RTL4: variants seen among roughly 807,000 people sequenced by gnomAD.
The protein encoded by RTL4 is retrotransposon Gag like 4.
A neutral mutation model predicts 5.3 loss-of-function variants in RTL4; 4 were observed. That is an observed-to-expected ratio of 0.75 (90% CI 0.37 to 1.72). The LOEUF (loss-of-function observed/expected upper bound fraction) is 1.72. RTL4 is among the 40% of genes most tolerant of loss of function. The probability of loss-of-function intolerance (pLI) is 0.04; values close to 1 mark genes in which losing one functional copy is unlikely to be tolerated. For missense variants in RTL4, 260 were observed against 227.1 expected (o/e 1.14, Z -0.93); for synonymous variants, 98 against 87.3 (o/e 1.12, Z -0.68).
the RTL4 span, among the ~76,000 whole-genome samples, chrX:112,326,627 G>A: frequency 8.9e-6 from 1 of 112,015 alleles, no homozygotes; most frequent in Non-Finnish European, 1.9e-5. Context: ...AAAGCAGCCG[G>A]GAAGCTCGAA....
chrX:112,236,521 C>T, the RTL4 span, among the ~76,000 whole-genome samples: 1 of 85,912 alleles, frequency 1.2e-5, no homozygotes, highest in Non-Finnish European at 2.2e-5. Flanking sequence ...ATATAAAATA[C>T]GACTATGTCT....
At chrX:112,171,305 G>A in the RTL4 span, among the ~76,000 whole-genome samples, 1 of 111,839 alleles carries the variant, frequency 8.9e-6, no homozygotes, top group Non-Finnish European at 1.9e-5. Context: ...CTTTTCAGTT[G>A]TTTGGAATAG....
chrX:112,203,266 G>C, the RTL4 span, among the ~76,000 whole-genome samples: 2 of 111,615 alleles, frequency 1.8e-5, no homozygotes, highest in Non-Finnish European at 3.8e-5. Context: ...ATGGAGTCCA[G>C]TTTATCACAT....
chrX:112,366,864 G>C, the RTL4 span, among the ~76,000 whole-genome samples: 2 of 111,896 alleles, frequency 1.8e-5, no homozygotes, highest in Non-Finnish European at 3.8e-5. Flanking sequence ...AAGGCTGGAG[G>C]CCTAGTCTAA....
chrX:112,377,160 CACT>C, the RTL4 span, among the ~76,000 whole-genome samples: 1 of 111,567 alleles, frequency 9.0e-6, no homozygotes, highest in Non-Finnish European at 1.9e-5. Context: ...TACCTCTCAC[CACT>C]AAGAAGAGAG....
At chrX:112,224,075 C>G in the RTL4 span, among the ~76,000 whole-genome samples, 1 of 110,946 alleles carries the variant, frequency 9.0e-6, no homozygotes, top group African/African-American at 3.3e-5. Flanking sequence ...TCTCTGCATG[C>G]TTCAAATTTA....
the RTL4 span, among the ~76,000 whole-genome samples, chrX:112,428,534 C>A: frequency 1.8e-5 from 2 of 111,217 alleles, no homozygotes; most frequent in African/African-American, 6.5e-5. Flanking sequence ...GCATGATTTC[C>A]ATAACTTTAA....
At chrX:112,109,298 C>A in the RTL4 span, among the ~76,000 whole-genome samples, 2 of 111,771 alleles carry the variant, frequency 1.8e-5, no homozygotes, top group Non-Finnish European at 3.8e-5. Context: ...AAGCCGCAGA[C>A]CTTTGTGGTG....
chrX:112,170,909 G>A, the RTL4 span, among the ~76,000 whole-genome samples: 419 of 111,573 alleles, frequency 3.8e-3, 2 homozygotes, highest in African/African-American at 0.013. Context: ...TCATTATTTT[G>A]ATGTATGTTC....
the RTL4 span, among the ~76,000 whole-genome samples, chrX:112,129,720 A>G: frequency 5.4e-5 from 6 of 112,030 alleles, no homozygotes; most frequent in Non-Finnish European, 9.4e-5. Flanking sequence ...AACTGTCTTT[A>G]TTTTTCAGAC....
the RTL4 span, among the ~76,000 whole-genome samples, chrX:112,427,759 T>C: frequency 9.0e-6 from 1 of 111,534 alleles, no homozygotes; most frequent in Non-Finnish European, 1.9e-5. Context: ...TGTTTTAATT[T>C]TTTTATTTTG....
the RTL4 span, among the ~76,000 whole-genome samples, chrX:112,371,549 T>C: frequency 1.9e-4 from 21 of 112,030 alleles, no homozygotes; most frequent in Non-Finnish European, 3.4e-4. Context: ...CATCTACTTA[T>C]ATATAGAAGT....
chrX:112,143,825 T>C, the RTL4 span, among the ~76,000 whole-genome samples: 1 of 111,938 alleles, frequency 8.9e-6, no homozygotes, highest in Non-Finnish European at 1.9e-5. Flanking sequence ...TAGATCTCTG[T>C]TGCAAGCTAA....
chrX:112,443,615 T>C, the RTL4 span, among the ~76,000 whole-genome samples: 111 of 112,132 alleles, frequency 9.9e-4, no homozygotes, highest in Middle Eastern at 4.6e-3. Flanking sequence ...ACGATTTTTT[T>C]AGTATAAGCC....
chrX:112,118,949 A>G, the RTL4 span, among the ~76,000 whole-genome samples: 1 of 109,773 alleles, frequency 9.1e-6, no homozygotes, highest in East Asian at 2.8e-4. Flanking sequence ...CAGTTGTGCA[A>G]TCTCAGCTCA....
chrX:112,367,743 G>T, the RTL4 span, among the ~76,000 whole-genome samples: 9 of 111,622 alleles, frequency 8.1e-5, no homozygotes, highest in African/African-American at 2.9e-4. Context: ...AACTGACAAG[G>T]GAACGAGCAA....
the RTL4 span, among the ~76,000 whole-genome samples, chrX:112,130,790 G>GT: frequency 1.0e-5 from 1 of 97,695 alleles, no homozygotes; most frequent in East Asian, 3.0e-4. Flanking sequence ...TATGGGTGTG[G>GT]GTTTTTTTTT....
the RTL4 span, among the ~76,000 whole-genome samples, chrX:112,387,194 G>T: frequency 2.8e-5 from 3 of 108,026 alleles, no homozygotes; most frequent in Non-Finnish European, 3.8e-5. Flanking sequence ...CCCACTTTTT[G>T]ATTTTTTTTT....
chrX:112,272,290 A>T, the RTL4 span, among the ~76,000 whole-genome samples: 7 of 112,180 alleles, frequency 6.2e-5, no homozygotes. Context: ...CCATAAATGA[A>T]TGATTATATC....
Sources: gnomAD v4.1 joint callset for allele counts (sites outside exome capture counted in the v4.1 genomes callset) on GRCh38, gnomAD v4.1.1 for gene constraint, MANE v1.5 for transcripts, NCBI Gene and HGNC (gene_info 2026-07-23, HGNC 2026-07-21) for gene names.